Variants in ZDHHC21 observed in about 807,000 individuals in gnomAD.
The protein encoded by ZDHHC21 is zDHHC palmitoyltransferase 21.
Under a neutral mutation model 34.6 loss-of-function variants are expected in ZDHHC21, and 15 were observed. The observed-to-expected ratio is 0.43, with a 90% CI of 0.29 to 0.67. The LOEUF is 0.67. ZDHHC21 is among the 30% of genes least tolerant of loss of function. The pLI, the probability that ZDHHC21 is intolerant of heterozygous loss-of-function variation, is 0.14. For missense variants in ZDHHC21, 344 were observed against 327.7 expected (o/e 1.05, Z -0.38); for synonymous variants, 142 against 101.8 (o/e 1.40, Z -2.38).
At chr9:14,668,417 C>T (rs1382479176) in intron 5 of ZDHHC21, among the ~76,000 whole-genome samples, 1 of 60,404 alleles carries the variant, frequency 1.7e-5, no homozygotes, top group Admixed American at 1.7e-4. Flanking sequence ...GTGAAAATGG[C>T]CATACTGCCC....
At chr9:14,684,517 G>A (rs1331743867) in intron 2 of ZDHHC21, among the ~76,000 whole-genome samples, 1 of 149,536 alleles carries the variant, frequency 6.7e-6, no homozygotes, top group African/African-American at 2.5e-5. Flanking sequence ...ACCTCGTCAA[G>A]GAGAACTACA....
Position 14,662,324 on chromosome 9 carries a change from T to A in ZDHHC21, c.256A>T (p.Arg86Trp). ...PENPKIPHGE[R>W]EFWELCNKCN... ...TTGTTACATAATTCCCAGAACTCCC[T>A]TTCTAAAGAAAAGAAATTAAAATCC... Residue 86 changes from arginine to tryptophan, a missense_variant and splice_region_variant, in exon 6 of 10, where the codon AGG becomes TGG. Physicochemically the swap from Arg to Trp is moderately radical, Grantham distance 101. Transcript: ENST00000380916. 6.2e-7 allele frequency: 1 copy of A among 1,600,658 alleles called. No homozygotes were observed. The highest frequency in any genetic ancestry group is 8.5e-7 in the Non-Finnish European group (1 of 1,175,272).
chr9:14,667,527 G>C (rs1834682376), intron 5 of ZDHHC21, among the ~76,000 whole-genome samples: 1 of 136,732 alleles, frequency 7.3e-6, no homozygotes. Context: ...TGATACCAAA[G>C]CCGGGCAGAG....
chr9:14,682,355 G>A (rs1461709731), intron 2 of ZDHHC21, among the ~76,000 whole-genome samples: 2 of 152,066 alleles, frequency 1.3e-5, no homozygotes, highest in Non-Finnish European at 2.9e-5. Flanking sequence ...GATCTACCAA[G>A]CAAATGGAAA....
At chr9:14,619,201 G>T (rs1586875990) in intron 9 of ZDHHC21, 103 bp from the exon 10 acceptor site, 3 of 1,239,166 alleles carry the variant, frequency 2.4e-6, no homozygotes, top group Admixed American at 2.8e-5. Flanking sequence ...GGACTCTGAT[G>T]AATTGTGTCC....
At chr9:14,665,944 C>G (rs934355416) in intron 5 of ZDHHC21, among the ~76,000 whole-genome samples, 1 of 148,902 alleles carries the variant, frequency 6.7e-6, no homozygotes, top group Admixed American at 6.7e-5. Context: ...CATCAACTAA[C>G]GAGCAAAATC....
At chr9:14,689,154 T>G (rs550054858) in intron 2 of ZDHHC21, among the ~76,000 whole-genome samples, 1 of 152,362 alleles carries the variant, frequency 6.6e-6, no homozygotes, top group Non-Finnish European at 1.5e-5. Context: ...GCCCTTCGGC[T>G]AGTATCATAC....
downstream of ZDHHC21, among the ~76,000 whole-genome samples, chr9:14,608,625 C>G (rs1046772150): frequency 1.3e-5 from 2 of 151,610 alleles, no homozygotes; most frequent in African/African-American, 4.8e-5. Context: ...TGTGCTGTGA[C>G]TGATACAAAT....
At chr9:14,669,334 A>T (rs1835045830) in intron 5 of ZDHHC21, among the ~76,000 whole-genome samples, 1 of 142,248 alleles carries the variant, frequency 7.0e-6, no homozygotes, top group African/African-American at 2.5e-5. Context: ...AATGGCGATC[A>T]TTAAAAAGTC....
rs1227020806 is a variant in ZDHHC21, at chr9:14,614,473, C to A, written c.*4493G>T. 6.6e-6 allele frequency: 1 copy of A among 151,642 alleles called. No homozygotes were observed. The highest frequency in any genetic ancestry group is 1.5e-5 in the Non-Finnish European group (1 of 67,720). 9.4% of individuals were successfully genotyped at this position (151,642 alleles called of 1,614,324 possible). ...TAAACCATCATCATCTCAAAAGGAG[C>A]AGAAATGCTAAATACTGATTAACAT... On this transcript the variant is annotated 3_prime_UTR_variant, in exon 10 of 10. Transcript: ENST00000380916.
In ZDHHC21 at chr9:14,693,402, T is replaced by A. The variant is rs1021924310; in HGVS notation, c.-398A>T. The A allele has an allele frequency of 3.3e-6, 1 of 299,958 alleles. No homozygotes were observed. The highest frequency in any genetic ancestry group is 6.4e-6 in the Non-Finnish European group (1 of 155,066). 18.6% of individuals were successfully genotyped at this position (299,958 alleles called of 1,614,324 possible). ...TGGACCGGCCGAGTGGGTGTCCGCA[T>A]GCCCGCGCGCCCGCGTGGGGAGGGA... On this transcript the variant is annotated 5_prime_UTR_variant, in exon 1 of 10. An upstream start codon of the reference 5' UTR is lost. Coordinates refer to ENST00000380916, the MANE Select transcript of ZDHHC21 (RefSeq NM_178566.6).
intron 3 of ZDHHC21, among the ~76,000 whole-genome samples, chr9:14,677,945 A>G (rs1049994168): frequency 1.1e-4 from 16 of 152,130 alleles, no homozygotes; most frequent in African/African-American, 3.6e-4. Flanking sequence ...TAGCCAAAAT[A>G]ATTACCAAGA....
intron 8 of ZDHHC21, chr9:14,622,583 A>G: frequency 1.0e-6 from 1 of 985,226 alleles, no homozygotes; most frequent in Non-Finnish European, 1.2e-6. Flanking sequence ...TGATGATACA[A>G]TCCATCCAAC....
At chr9:14,603,552 G>GT in the ZDHHC21 span, among the ~76,000 whole-genome samples, 1 of 152,102 alleles carries the variant, frequency 6.6e-6, no homozygotes, top group Non-Finnish European at 1.5e-5. Context: ...AAGCACAACC[G>GT]TAACATGAAA....
downstream of ZDHHC21, among the ~76,000 whole-genome samples, chr9:14,610,666 C>T (rs970910801): frequency 1.3e-5 from 2 of 151,808 alleles, no homozygotes; most frequent in Non-Finnish European, 2.9e-5. Flanking sequence ...TTCAATATTG[C>T]CAGATCTAAA....
chr9:14,596,948 T>C, the ZDHHC21 span, among the ~76,000 whole-genome samples: 17 of 152,106 alleles, frequency 1.1e-4, no homozygotes, highest in Middle Eastern at 3.4e-3. Flanking sequence ...GCCAGCATGG[T>C]TGGGATAGGC....
chr9:14,647,331 T>A (rs1830429889), intron 7 of ZDHHC21, among the ~76,000 whole-genome samples: 2 of 152,128 alleles, frequency 1.3e-5, no homozygotes, highest in Non-Finnish European at 2.9e-5. Flanking sequence ...CTATTTATGA[T>A]CTAACAAATA....
chr9:14,624,906 C>T (rs1825941822), intron 8 of ZDHHC21, among the ~76,000 whole-genome samples: 1 of 151,654 alleles, frequency 6.6e-6, no homozygotes, highest in Non-Finnish European at 1.5e-5. Context: ...CACATTGTAC[C>T]CCATAACTAT....
rs987569760 is a variant in ZDHHC21 at position 14,616,013 on chromosome 9, C to A, written c.*2953G>T. On this transcript the variant is annotated 3_prime_UTR_variant, in exon 10 of 10. Coordinates refer to ENST00000380916, the MANE Select transcript of ZDHHC21 (RefSeq NM_178566.6). ...TACTAAAACTATAGATATAACTCTG[C>A]GAAATGTAAAAAAAAGAACAAAGAA... 1.3e-5 allele frequency: 2 copies of A among 150,210 alleles called. No individual in the cohort carries two copies. Among genetic ancestry groups the A allele is most frequent in the African/African-American group, 4.9e-5 (2 of 40,886 alleles). The allele number at this position is 150,210 out of a possible 1,614,324, so 9.3% of individuals were successfully genotyped here.
Sources: allele counts gnomAD v4.1 joint callset (sites outside exome capture counted in the v4.1 genomes callset), GRCh38; gene constraint gnomAD v4.1.1; transcripts MANE v1.5; gene names NCBI Gene and HGNC (gene_info 2026-07-23, HGNC 2026-07-21).